SMIM17: variants seen among roughly 807,000 people sequenced by gnomAD.
The protein encoded by SMIM17 is small integral membrane protein 17.
A neutral mutation model predicts 12.2 loss-of-function variants in SMIM17; 10 were observed. The observed-to-expected ratio is 0.82, with a 90% CI of 0.50 to 1.39. The LOEUF (loss-of-function observed/expected upper bound fraction) is 1.39. SMIM17 is among the 40% of genes most tolerant of loss of function. SMIM17 has a pLI of 0.00. For missense variants in SMIM17, 136 were observed against 118.2 expected (o/e 1.15, Z -0.70); for synonymous variants, 50 against 44.1 (o/e 1.13, Z -0.53).
chr19:56,651,189 T>C (rs1326843640), intron 3 of SMIM17, among the ~76,000 whole-genome samples: 4 of 152,190 alleles, frequency 2.6e-5, no homozygotes, highest in Non-Finnish European at 5.9e-5. Context: ...TATCAGTCCT[T>C]GATGTAGGAC....
At chr19:56,651,099 C>A (rs563431790) in intron 3 of SMIM17, among the ~76,000 whole-genome samples, 3 of 152,276 alleles carry the variant, frequency 2.0e-5, no homozygotes, top group Admixed American at 6.5e-5. Context: ...GAACCAGAGA[C>A]CTTTGATGAC....
intron 3 of SMIM17, among the ~76,000 whole-genome samples, chr19:56,650,460 C>T (rs529956980): frequency 1.6e-4 from 24 of 152,226 alleles, no homozygotes; most frequent in Non-Finnish European, 3.2e-4. Context: ...GCATGAGCCA[C>T]GACGCCCAGC....
At chr19:56,654,937 A>G (rs1179105703) in intron 3 of SMIM17, among the ~76,000 whole-genome samples, 166 bp from the exon 4 acceptor site, 1 of 152,156 alleles carries the variant, frequency 6.6e-6, no homozygotes, top group Non-Finnish European at 1.5e-5. Context: ...GTTATGTTAC[A>G]TTCTTTTGTT....
intron 1 of SMIM17, among the ~76,000 whole-genome samples, chr19:56,643,717 G>C (rs780979087): frequency 2.0e-5 from 3 of 152,162 alleles, no homozygotes; most frequent in Non-Finnish European, 4.4e-5. Flanking sequence ...CAGCAGCCCC[G>C]CCCCCACTCT....
chr19:56,647,460 T>C, intron 2 of SMIM17, 98 bp from the exon 3 acceptor site: 2 of 702,934 alleles, frequency 2.8e-6, no homozygotes, highest in African/African-American at 2.2e-5. Context: ...AGGAGGCTAT[T>C]ACTAGAAAAG....
In SMIM17 at chr19:56,645,661, T is replaced by C. The variant is rs2045056812; in HGVS notation, c.-7T>C. On this transcript the variant is annotated 5_prime_UTR_variant, in exon 2 of 4. Transcript: ENST00000598409. The stretch of plus-strand genomic sequence containing the variant: ...TTGTCTCAGAAGCTCCACCTCCTCC[T>C]GGGGCAATGCAGAGTCTCAGGCCTG... 6.7e-7 allele frequency: 1 copy of C among 1,484,340 alleles called. No homozygotes were observed. Among genetic ancestry groups the C allele is most frequent in the Non-Finnish European group, 8.9e-7 (1 of 1,122,908 alleles). 91.9% of individuals were successfully genotyped at this position (1,484,340 alleles called of 1,614,324 possible).
rs1332337982 is a variant in SMIM17, at chr19:56,656,914, G to T, written c.*1701G>T. On this transcript the variant is annotated 3_prime_UTR_variant, in exon 4 of 4. Coordinates refer to ENST00000598409, the MANE Select transcript of SMIM17 (RefSeq NM_001193628.2). ...TTGTAATTGTTTCACGAACATTTAA[G>T]ATGAAGATATCTTCTCTGTCTGTAG... is the stretch of plus-strand genomic sequence containing the variant. 1.3e-5 allele frequency among the ~76,000 whole-genome samples: 2 copies of T among 152,170 alleles called. No individual in the cohort carries two copies. The highest frequency in any genetic ancestry group is 2.9e-5 in the Non-Finnish European group (2 of 68,032).
chr19:56,649,680 C>T (rs555364793), intron 3 of SMIM17, among the ~76,000 whole-genome samples: 1 of 152,052 alleles, frequency 6.6e-6, no homozygotes, highest in East Asian at 1.9e-4. Flanking sequence ...GTGCAAAGGC[C>T]CTGAGGTACA....
rs780232347 is a variant in SMIM17, at chr19:56,645,798, T to A, written c.131T>A (p.Val44Glu). Residue 44 changes from valine to glutamate, a missense_variant, in exon 2 of 4, where the codon GTG (valine) becomes GAG (glutamate). Physicochemically the swap from Val to Glu is moderately radical, Grantham distance 121. Transcript: ENST00000598409. ...GCCTGCACCAAAGACTGGGAGGCTG[T>A]GGAGGTTGGGGCCTCCAGCCATGAC... is the stretch of plus-strand genomic sequence containing the variant. ...HPACTKDWEA[V>E]EVGASSHDSD... The A allele has an allele frequency of 3.3e-6, 5 of 1,535,768 alleles. No individual in the cohort carries two copies. The South Asian group carries it at 6.0e-5, about 18-fold the overall frequency.
intron 1 of SMIM17, among the ~76,000 whole-genome samples, chr19:56,644,434 G>A (rs1469865803): frequency 1.3e-5 from 2 of 152,206 alleles, no homozygotes; most frequent in Non-Finnish European, 2.9e-5. Flanking sequence ...GACTAAAGGT[G>A]TCTTCCTGTT....
Position 56,647,777 on chromosome 19 carries a change from C to T in SMIM17, c.246+143C>T, listed in dbSNP as rs1036800194. 32 of 692,576 alleles carry T rather than the reference C, an allele frequency of 4.6e-5. No individual in the cohort carries two copies. In the Admixed American group the frequency reaches 6.6e-4, roughly 14 times the overall value. The allele number at this position is 692,576 out of a possible 1,614,324, so 42.9% of individuals were successfully genotyped here. On this transcript the variant is annotated intron_variant, in intron 3 of 3. Coordinates refer to ENST00000598409, the MANE Select transcript of SMIM17 (RefSeq NM_001193628.2). Reference sequence around the variant, plus strand: ...TCTTGTGTCTGATCTCTATGGTGATCAGACACAGACTGGAGGGTCTCCATG... The same window carrying T: ...TCTTGTGTCTGATCTCTATGGTGATTAGACACAGACTGGAGGGTCTCCATG...
At chr19:56,647,433 G>A in intron 2 of SMIM17, 125 bp from the exon 3 acceptor site, 1 of 461,168 alleles carries the variant, frequency 2.2e-6, no homozygotes, top group Non-Finnish European at 3.7e-6. Context: ...GAGAGAGAGA[G>A]AGAGAGAGAG....
At chr19:56,652,038 A>G (rs1377007053) in intron 3 of SMIM17, among the ~76,000 whole-genome samples, 1 of 132,742 alleles carries the variant, frequency 7.5e-6, no homozygotes, top group African/African-American at 2.8e-5. Context: ...TGGGAGGCAG[A>G]GGTTACAATG....
chr19:56,647,340 CACATAGGCA>C (rs2045071015), intron 2 of SMIM17, among the ~76,000 whole-genome samples: 1 of 151,266 alleles, frequency 6.6e-6, no homozygotes, highest in African/African-American at 2.4e-5. Flanking sequence ...TCTGAATCAT[CACATAGGCA>C]TATGTGTGTT....
rs2045143857 is a variant in SMIM17 at position 56,655,536 on chromosome 19, C to G, written c.*323C>G. On this transcript the variant is annotated 3_prime_UTR_variant, in exon 4 of 4. Transcript: ENST00000598409. ...GATGAAAAAATGTGCAACTGAAGAT[C>G]AATGAAATCTGGTACATTTCCTAAC... The G allele has an allele frequency of 3.0e-6, 1 of 335,982 alleles. No individual in the cohort carries two copies. The highest frequency in any genetic ancestry group is 2.1e-5 in the African/African-American group (1 of 47,424). The allele number at this position is 335,982 out of a possible 1,614,324, so 20.8% of individuals were successfully genotyped here. A position where few individuals can be genotyped will look rare whatever the true frequency, so the allele number is the denominator to read the frequency against.
chr19:56,644,355 C>CCCGG (rs1307929376), intron 1 of SMIM17, among the ~76,000 whole-genome samples: 1 of 152,174 alleles, frequency 6.6e-6, no homozygotes, highest in Non-Finnish European at 1.5e-5. Context: ...CAACAGACTC[C>CCCGG]CCGGCCCACA....
At chr19:56,645,862 G>A (rs2045059299) in intron 2 of SMIM17, 26 bp downstream of exon 2, 1 of 1,514,722 alleles carries the variant, frequency 6.6e-7, no homozygotes, top group Non-Finnish European at 8.8e-7. Context: ...CCTTTGGGAG[G>A]TGAGTGGGTG....
intron 3 of SMIM17, among the ~76,000 whole-genome samples, chr19:56,648,375 TTCCATCCATCCATCCATCCA>T (rs3071091): frequency 6.8e-6 from 1 of 146,242 alleles, no homozygotes; most frequent in African/African-American, 2.5e-5. Context: ...CATATACCCA[TTCCATCCATCCATCCATCCA>T]TCCATCCATC....
rs1279174239 is a variant in SMIM17, at chr19:56,656,438, C to T, written c.*1225C>T. Among the ~76,000 whole-genome samples, 1 of 152,044 alleles carries T rather than the reference C, an allele frequency of 6.6e-6. No homozygotes were observed. Among genetic ancestry groups the T allele is most frequent in the East Asian group, 1.9e-4 (1 of 5,178 alleles). ...TTTATCTAGCTTACTATTGTTTTTC[C>T]AAAGAACCAACATTAGGATTCATTT... On this transcript the variant is annotated 3_prime_UTR_variant, in exon 4 of 4. Transcript: ENST00000598409.
Sources: allele counts gnomAD v4.1 joint callset (sites outside exome capture counted in the v4.1 genomes callset), GRCh38; gene constraint gnomAD v4.1.1; transcripts MANE v1.5; gene names NCBI Gene and HGNC (gene_info 2026-07-23, HGNC 2026-07-21).